The following GUCY2F variants were observed in gnomAD, a reference collection of about 807,000 sequenced individuals.
The protein encoded by GUCY2F is retinal guanylyl cyclase 2.
Under a neutral mutation model 73.1 loss-of-function variants are expected in GUCY2F, and 61 were observed. The observed-to-expected ratio is 0.83, with a 90% CI of 0.68 to 1.03. The LOEUF (loss-of-function observed/expected upper bound fraction) is 1.03. GUCY2F is among the 50% of genes least tolerant of loss of function. The pLI, the probability that GUCY2F is intolerant of heterozygous loss-of-function variation, is 0.00. For synonymous variants in GUCY2F, 331 were observed against 307.8 expected (o/e 1.08, Z -0.79); for missense variants, 912 against 854.3 (o/e 1.07, Z -0.84).
chrX:109,413,334 C>T (rs755532508), intron 8 of GUCY2F, among the ~76,000 whole-genome samples: 35 of 111,917 alleles, frequency 3.1e-4, no homozygotes, highest in Non-Finnish European at 5.8e-4. Context: ...ATCTGGCTGG[C>T]TACCATCAAA....
intron 5 of GUCY2F, among the ~76,000 whole-genome samples, chrX:109,451,184 A>G (rs1035829101): frequency 9.8e-5 from 11 of 112,150 alleles, no homozygotes; most frequent in African/African-American, 3.6e-4. Flanking sequence ...TCCAAGTGTT[A>G]AAATGCAAAG....
At chrX:109,408,860 G>A in intron 9 of GUCY2F, 132 bp downstream of exon 9, 1 of 459,281 alleles carries the variant, frequency 2.2e-6, no homozygotes, top group Non-Finnish European at 3.8e-6. Context: ...TTTATCAGCA[G>A]CATGAAAATG....
intron 17 of GUCY2F, among the ~76,000 whole-genome samples, chrX:109,380,299 C>T (rs1380658789): frequency 9.0e-6 from 1 of 111,643 alleles, no homozygotes; most frequent in Non-Finnish European, 1.9e-5. Context: ...ATCAGAATTT[C>T]TGAAGTGTGC....
At chrX:109,476,054 A>G in intron 1 of GUCY2F, 33 bp from the exon 2 acceptor site, 1 of 598,174 alleles carries the variant, frequency 1.7e-6, no homozygotes, top group Non-Finnish European at 2.5e-6. Flanking sequence ...TGTTACTCAC[A>G]TTATTTCTGA....
chrX:109,468,557 C>T (rs1414995956), intron 2 of GUCY2F, among the ~76,000 whole-genome samples: 2 of 111,636 alleles, frequency 1.8e-5, no homozygotes, highest in East Asian at 5.7e-4. Flanking sequence ...TTCATGCCTA[C>T]TATCATTAAC....
At chrX:109,385,481 A>C (rs907989508) in intron 15 of GUCY2F, among the ~76,000 whole-genome samples, 199 bp from the exon 16 acceptor site, 8 of 112,651 alleles carry the variant, frequency 7.1e-5, no homozygotes, top group Non-Finnish European at 1.5e-4. Flanking sequence ...CAATGCAGAC[A>C]TGACTGCCCT....
At chrX:109,395,774 A>G (rs1384708773) in intron 11 of GUCY2F, among the ~76,000 whole-genome samples, 1 of 111,699 alleles carries the variant, frequency 9.0e-6, no homozygotes, top group Non-Finnish European at 1.9e-5. Context: ...TCTGATGGCA[A>G]TTCTAATGCT....
intron 7 of GUCY2F, among the ~76,000 whole-genome samples, chrX:109,433,504 GTTTGT>G (rs1931662381): frequency 8.9e-6 from 1 of 111,888 alleles, no homozygotes; most frequent in Non-Finnish European, 1.9e-5. Context: ...ATTTGTGTGT[GTTTGT>G]TTTAAGATTT....
chrX:109,384,351 T>C (rs1276832754), intron 16 of GUCY2F, among the ~76,000 whole-genome samples: 1 of 112,278 alleles, frequency 8.9e-6, no homozygotes, highest in Non-Finnish European at 1.9e-5. Context: ...AAATGAAAAC[T>C]GCATATAGAA....
At chrX:109,382,520 T>G (rs1930342038) in intron 16 of GUCY2F, among the ~76,000 whole-genome samples, 3 of 112,446 alleles carry the variant, frequency 2.7e-5, no homozygotes, top group Non-Finnish European at 5.6e-5. Context: ...TACTGTGCTC[T>G]CAGCTGAAAC....
At chrX:109,407,096 A>G (rs888173085) in intron 9 of GUCY2F, among the ~76,000 whole-genome samples, 1 of 112,292 alleles carries the variant, frequency 8.9e-6, no homozygotes, top group Non-Finnish European at 1.9e-5. Context: ...AAATGTGGGA[A>G]AGTTTGGACT....
chrX:109,408,519 G>A (rs986106422), intron 9 of GUCY2F, among the ~76,000 whole-genome samples: 1 of 112,157 alleles, frequency 8.9e-6, no homozygotes, highest in Admixed American at 9.4e-5. Flanking sequence ...GGAGGGGCCA[G>A]GGGTGGAATG....
chrX:109,379,305 T>A, intron 17 of GUCY2F, among the ~76,000 whole-genome samples: 1 of 111,966 alleles, frequency 8.9e-6, no homozygotes, highest in Non-Finnish European at 1.9e-5. Context: ...TCAGCTCTAT[T>A]GCATATCATG....
At chrX:109,393,609 T>C (rs1176046286) in intron 12 of GUCY2F, among the ~76,000 whole-genome samples, 1 of 111,740 alleles carries the variant, frequency 8.9e-6, no homozygotes, top group Admixed American at 9.4e-5. Flanking sequence ...AGTCCAAGAA[T>C]AGTGGTGTCC....
At chrX:109,454,055 C>T (rs1373952736) in intron 3 of GUCY2F, among the ~76,000 whole-genome samples, 196 bp from the exon 4 acceptor site, 1 of 110,902 alleles carries the variant, frequency 9.0e-6, no homozygotes, top group African/African-American at 3.3e-5. Context: ...TTCCCCCAGG[C>T]TGTCACATCT....
At chrX:109,451,574 A>G (rs1337938041) in intron 5 of GUCY2F, among the ~76,000 whole-genome samples, 1 of 111,949 alleles carries the variant, frequency 8.9e-6, no homozygotes, top group Non-Finnish European at 1.9e-5. Context: ...TAATCCTATG[A>G]GTTCATACCA....
At chrX:109,478,016 G>C (rs187945853) in intron 1 of GUCY2F, among the ~76,000 whole-genome samples, 82 of 111,909 alleles carry the variant, frequency 7.3e-4, no homozygotes, top group Non-Finnish European at 1.3e-3. Flanking sequence ...TGGGATGGGG[G>C]AGGACTTCTA....
chrX:109,398,797 T>A, intron 10 of GUCY2F, 99 bp from the exon 11 acceptor site: 1 of 725,318 alleles, frequency 1.4e-6, no homozygotes, highest in Non-Finnish European at 2.0e-6. Flanking sequence ...TTGACTGCCT[T>A]ATATTTTTAT....
intron 4 of GUCY2F, among the ~76,000 whole-genome samples, chrX:109,453,073 CAG>C (rs1213178388): frequency 9.0e-6 from 1 of 111,610 alleles, no homozygotes; most frequent in Admixed American, 9.6e-5. Flanking sequence ...AATGGGAGTT[CAG>C]AGAGGAGAGA....
Sources: allele counts gnomAD v4.1 joint callset (sites outside exome capture counted in the v4.1 genomes callset), GRCh38; gene constraint gnomAD v4.1.1; transcripts MANE v1.5; gene names NCBI Gene and HGNC (gene_info 2026-07-23, HGNC 2026-07-21).